The following ERBIN variants were observed in gnomAD, a reference collection of about 807,000 sequenced individuals.
ERBIN encodes densin-180-like protein.
In ERBIN, 60 loss-of-function variants were observed where a neutral mutation model predicts 158.4. The observed-to-expected ratio is 0.38, with a 90% CI of 0.31 to 0.47. The LOEUF (loss-of-function observed/expected upper bound fraction) is 0.47. Among genes scored for constraint, ERBIN ranks in the 20% least tolerant of loss-of-function variants. The probability of loss-of-function intolerance (pLI) is 0.99; values close to 1 mark genes in which losing one functional copy is unlikely to be tolerated. For synonymous variants in ERBIN, 594 were observed against 557.2 expected (o/e 1.07, Z -0.93); for missense variants, 1,610 against 1,648.0 (o/e 0.98, Z 0.40).
intron 21 of ERBIN, among the ~76,000 whole-genome samples, chr5:66,066,151 A>G (rs1760973114): frequency 6.6e-6 from 1 of 152,112 alleles, no homozygotes; most frequent in Admixed American, 6.5e-5. Context: ...ATGCTTATTC[A>G]TTAGATGGTG....
chr5:65,940,397 C>T lies in ERBIN; in HGVS notation c.-58+13591C>T, dbSNP rs1309801889. Reference sequence around the variant, plus strand: ...GAGGAGCATCTCCGCCCGGCAGCCACCTCGTCCGGGAGGGAGGTGGGGGGG... The same window carrying T: ...GAGGAGCATCTCCGCCCGGCAGCCATCTCGTCCGGGAGGGAGGTGGGGGGG... On this transcript the variant is annotated intron_variant, in intron 1 of 25. Transcript: ENST00000284037. Among the ~76,000 whole-genome samples the T allele has an allele frequency of 3.4e-5, 5 of 145,994 alleles. No individual in the cohort carries two copies. In the South Asian group the frequency reaches 1.0e-3, roughly 31 times the overall value.
rs772415067 is a variant in ERBIN, at chr5:66,076,322, G to A, written c.3970G>A (p.Val1324Met). ...GHELAKQEIR[V>M]RVEKDPELGF... ...TATTTTCATATTAACTCAGATTCGA[G>A]TGAGGGTTGAAAAGGATCCAGAACT... The change falls in exon 24 of 26, where the codon GTG becomes ATG. Residue 1324 changes from valine (V) to methionine (M), a missense_variant. Val to Met is a conservative substitution (Grantham distance 21). Coordinates refer to ENST00000284037, the MANE Select transcript of ERBIN (RefSeq NM_001253697.2). The A allele has an allele frequency of 6.2e-7, 1 of 1,611,692 alleles. No homozygotes were observed. The highest frequency in any genetic ancestry group is 8.5e-7 in the Non-Finnish European group (1 of 1,179,316).
intron 15 of ERBIN, among the ~76,000 whole-genome samples, chr5:66,038,911 C>T (rs954528913): frequency 6.6e-6 from 1 of 151,864 alleles, no homozygotes; most frequent in Non-Finnish European, 1.5e-5. Flanking sequence ...TTTATTTTGC[C>T]CGACAAGGGG....
chr5:66,005,099 C>T (rs1241081011), intron 4 of ERBIN, among the ~76,000 whole-genome samples: 1 of 152,008 alleles, frequency 6.6e-6, no homozygotes, highest in East Asian at 1.9e-4. Flanking sequence ...TATATATAGA[C>T]AGGAACTGTG....
At chr5:65,957,225 TTTTA>T (rs1747257203) in intron 1 of ERBIN, among the ~76,000 whole-genome samples, 7 of 144,306 alleles carry the variant, frequency 4.9e-5, no homozygotes, top group African/African-American at 1.8e-4. Flanking sequence ...TTTTATTTTA[TTTTA>T]TTTTTTTTAT....
chr5:65,937,690 C>T (rs979080658), intron 1 of ERBIN, among the ~76,000 whole-genome samples: 5 of 152,104 alleles, frequency 3.3e-5, no homozygotes, highest in Non-Finnish European at 7.4e-5. Context: ...GGGCGGATCA[C>T]GAGGTCAGGA....
Position 66,025,916 on chromosome 5 carries a change from A to T in ERBIN, c.959A>T (p.Gln320Leu), listed in dbSNP as rs201928607. Residue 320 changes from glutamine (Q) to leucine (L), a missense_variant, in exon 12 of 26, where the codon CAG becomes CTG. Transcript: ENST00000284037. ...GAAGCTTTGCCTTCATCTATTGGGC[A>T]GCTTACTAACTTAAGAACTTTTGCT... ...EVEALPSSIG[Q>L]LTNLRTFAAD... is the part of the protein sequence containing the mutation. 5.6e-5 allele frequency: 89 copies of T among 1,594,974 alleles called. No individual in the cohort carries two copies. The highest frequency in any genetic ancestry group is 1.3e-5 in the Non-Finnish European group (15 of 1,170,764).
intron 11 of ERBIN, 124 bp downstream of exon 11, chr5:66,025,676 C>T: frequency 2.2e-6 from 2 of 898,740 alleles, no homozygotes; most frequent in Non-Finnish European, 3.5e-6. Flanking sequence ...AATTAGTATA[C>T]AGGTTGAGTG....
intron 1 of ERBIN, among the ~76,000 whole-genome samples, chr5:65,980,397 C>T (rs1750525022): frequency 6.6e-6 from 1 of 151,968 alleles, no homozygotes; most frequent in African/African-American, 2.4e-5. Context: ...CACTGCACTC[C>T]AGCCTGGATA....
At chr5:65,970,169 A>AG (rs1471704558) in intron 1 of ERBIN, among the ~76,000 whole-genome samples, 2 of 152,212 alleles carry the variant, frequency 1.3e-5, no homozygotes, top group African/African-American at 4.8e-5. Flanking sequence ...TAAACCAAGC[A>AG]GTGAAAGAGA....
intron 1 of ERBIN, 124 bp downstream of exon 1, chr5:65,926,930 T>C (rs951002931): frequency 1.3e-5 from 2 of 152,066 alleles, no homozygotes; most frequent in Non-Finnish European, 2.9e-5. Context: ...TTTTCTCATA[T>C]CGAAGCGGTT....
chr5:66,024,635 TTACTC>T (rs1346953827), intron 10 of ERBIN, among the ~76,000 whole-genome samples, 185 bp downstream of exon 10: 6 of 152,192 alleles, frequency 3.9e-5, no homozygotes, highest in African/African-American at 7.2e-5. Flanking sequence ...TGTTTTTTAT[TTACTC>T]TAAGGTAATC....
intron 14 of ERBIN, among the ~76,000 whole-genome samples, chr5:66,034,169 G>A (rs1264136044): frequency 1.3e-5 from 2 of 151,784 alleles, no homozygotes; most frequent in African/African-American, 4.8e-5. Context: ...GGAAACTGAT[G>A]GAAAAGCTAT....
chr5:66,027,134 A>T (rs934057403), intron 13 of ERBIN, among the ~76,000 whole-genome samples: 4 of 152,024 alleles, frequency 2.6e-5, no homozygotes, highest in African/African-American at 9.7e-5. Flanking sequence ...AGTCTTCAAA[A>T]CAGCTCTATG....
At chr5:66,050,659 T>A (rs1758927599) in intron 19 of ERBIN, 124 bp from the exon 20 acceptor site, 2 of 502,692 alleles carry the variant, frequency 4.0e-6, no homozygotes, top group Non-Finnish European at 6.8e-6. Context: ...CTTCCAATTA[T>A]CAATATAATT....
chr5:66,049,497 G>A lies in ERBIN; in HGVS notation c.1903+716G>A, dbSNP rs77549082. Reference sequence around the variant, plus strand: ...TTAGGTACTATACTAAATATTTTACGTGTTATTATCTAATTGTCACAATAA... The same window carrying A: ...TTAGGTACTATACTAAATATTTTACATGTTATTATCTAATTGTCACAATAA... On this transcript the variant is annotated intron_variant, in intron 19 of 25. Transcript: ENST00000284037. 9.2e-3 allele frequency among the ~76,000 whole-genome samples: 1,404 copies of A among 152,114 alleles called. 21 individuals are homozygous for A. The highest frequency in any genetic ancestry group is 0.065 in the Middle Eastern group (19 of 294).
At chr5:66,007,431 CCT>C (rs1753726484) in intron 4 of ERBIN, among the ~76,000 whole-genome samples, 1 of 5,152 alleles carries the variant, frequency 1.9e-4, no homozygotes, top group Non-Finnish European at 7.2e-4. Flanking sequence ...AGGAGATATA[CCT>C]ATACCTAATG....
At chr5:66,045,818 CT>C (rs1485074398) in intron 17 of ERBIN, among the ~76,000 whole-genome samples, 1 of 152,170 alleles carries the variant, frequency 6.6e-6, no homozygotes, top group Non-Finnish European at 1.5e-5. Flanking sequence ...ATTTTTCCCC[CT>C]GTTAATATTG....
intron 25 of ERBIN, among the ~76,000 whole-genome samples, chr5:66,078,084 A>G (rs1762179634): frequency 1.3e-5 from 2 of 152,300 alleles, no homozygotes; most frequent in African/African-American, 2.4e-5. Context: ...CTCCAAGACA[A>G]TGGGAAGAGT....
Sources: allele counts gnomAD v4.1 joint callset (sites outside exome capture counted in the v4.1 genomes callset), GRCh38; gene constraint gnomAD v4.1.1; transcripts MANE v1.5; gene names NCBI Gene and HGNC (gene_info 2026-07-23, HGNC 2026-07-21).